RASGRP3: variants seen among roughly 807,000 people sequenced by gnomAD.
The protein encoded by RASGRP3 is RAS guanyl releasing protein 3.
Under a neutral mutation model 82.7 loss-of-function variants are expected in RASGRP3, and 54 were observed. That is an observed-to-expected ratio of 0.65 (90% CI 0.52 to 0.82). The LOEUF (loss-of-function observed/expected upper bound fraction) is 0.82, where lower values mean the gene tolerates loss of function less well. Among genes scored for constraint, RASGRP3 ranks in the 40% least tolerant of loss-of-function variants. The pLI is 0.00. For missense variants in RASGRP3, 861 were observed against 828.9 expected (o/e 1.04, Z -0.48); for synonymous variants, 309 against 300.5 (o/e 1.03, Z -0.29).
intron 17 of RASGRP3, 82 bp downstream of exon 17, chr2:33,559,112 G>T: frequency 2.5e-6 from 3 of 1,195,462 alleles, no homozygotes; most frequent in Non-Finnish European, 3.4e-6. Flanking sequence ...GGGTCTGGGG[G>T]GCAGCCTGGT....
intron 2 of RASGRP3, among the ~76,000 whole-genome samples, chr2:33,461,497 T>C (rs1666363516): frequency 6.6e-6 from 1 of 152,202 alleles, no homozygotes. Flanking sequence ...AGGCTGGTCT[T>C]GAACTCCCAA....
chr2:33,457,316 T>C (rs1223553803), intron 2 of RASGRP3, among the ~76,000 whole-genome samples: 1 of 152,180 alleles, frequency 6.6e-6, no homozygotes, highest in Admixed American at 6.5e-5. Context: ...TGGAACCCTC[T>C]TTTTTTCTTC....
At chr2:33,480,323 G>T (rs916479741) in intron 1 of RASGRP3, among the ~76,000 whole-genome samples, 1 of 152,154 alleles carries the variant, frequency 6.6e-6, no homozygotes, top group Non-Finnish European at 1.5e-5. Flanking sequence ...GATTACAGGC[G>T]TGAGCCACTG....
At chr2:33,478,149 C>T (rs1378799095) in intron 1 of RASGRP3, among the ~76,000 whole-genome samples, 2 of 152,288 alleles carry the variant, frequency 1.3e-5, no homozygotes, top group East Asian at 1.9e-4. Flanking sequence ...ACCGCACCAA[C>T]CAATGTTCTC....
At chr2:33,511,308 A>G (rs1372584893) in intron 1 of RASGRP3, among the ~76,000 whole-genome samples, 1 of 152,210 alleles carries the variant, frequency 6.6e-6, no homozygotes, top group Non-Finnish European at 1.5e-5. Context: ...TGTTGAGACA[A>G]TCAGTAGTGA....
intron 4 of RASGRP3, among the ~76,000 whole-genome samples, chr2:33,519,335 G>A (rs916319848): frequency 2.0e-5 from 3 of 152,070 alleles, no homozygotes; most frequent in Admixed American, 6.6e-5. Context: ...AGTGTTTCTC[G>A]GCCAGGCGCG....
chr2:33,448,281 A>G (rs192723977), intron 2 of RASGRP3, among the ~76,000 whole-genome samples: 1 of 152,292 alleles, frequency 6.6e-6, no homozygotes, highest in African/African-American at 2.4e-5. Context: ...TTCTTCTCTC[A>G]ACAACCTAAT....
intron 1 of RASGRP3, among the ~76,000 whole-genome samples, chr2:33,447,015 G>A (rs562595250): frequency 4.0e-5 from 6 of 151,588 alleles, no homozygotes; most frequent in African/African-American, 1.2e-4. Flanking sequence ...TTGGTGGCGG[G>A]TGCCTGTAGT....
At chr2:33,527,854 C>T (rs1308097959) in intron 10 of RASGRP3, among the ~76,000 whole-genome samples, 1 of 152,206 alleles carries the variant, frequency 6.6e-6, no homozygotes, top group African/African-American at 2.4e-5. Flanking sequence ...ATGAACCTCC[C>T]AAACCTCCAG....
At chr2:33,437,559 C>T (rs1398078697) in intron 1 of RASGRP3, among the ~76,000 whole-genome samples, 1 of 152,082 alleles carries the variant, frequency 6.6e-6, no homozygotes, top group Non-Finnish European at 1.5e-5. Flanking sequence ...ATTTCTTTTG[C>T]CCTATCCCTG....
In RASGRP3 at chr2:33,558,243, G is replaced by A. The variant is rs1676233828; in HGVS notation, c.1612G>A (p.Asp538Asn). 6.2e-7 allele frequency: 1 copy of A among 1,612,348 alleles called. No individual in the cohort carries two copies. Reference sequence around the variant, plus strand: ...AGCCAATTGTCACAAACAGTGCAAAGACCTCCTGGTTCTGGCCTGCAGGAG... The same window carrying A: ...AGCCAATTGTCACAAACAGTGCAAAAACCTCCTGGTTCTGGCCTGCAGGAG... The part of the protein sequence containing the change: ...CGANCHKQCK[D>N]LLVLACRRFA... Residue 538 changes from aspartate to asparagine, a missense_variant, in exon 16 of 18, where the codon GAC becomes AAC. Coordinates refer to ENST00000403687, the MANE Select transcript of RASGRP3 (RefSeq NM_001139488.2).
At chr2:33,460,077 A>G (rs532662001) in intron 2 of RASGRP3, among the ~76,000 whole-genome samples, 3 of 152,364 alleles carry the variant, frequency 2.0e-5, no homozygotes, top group South Asian at 2.1e-4. Flanking sequence ...ATTAGCAACT[A>G]AAGATACATG....
chr2:33,444,806 T>A (rs941520533), intron 1 of RASGRP3, among the ~76,000 whole-genome samples: 2 of 152,242 alleles, frequency 1.3e-5, no homozygotes, highest in Non-Finnish European at 2.9e-5. Context: ...GTTTTTTTAA[T>A]AAACATTATC....
chr2:33,533,327 C>A (rs941676977), intron 10 of RASGRP3: 10 of 152,192 alleles, frequency 6.6e-5, no homozygotes, highest in African/African-American at 2.4e-4. Flanking sequence ...AGTCCCAATC[C>A]TCCTGGTTAA....
At chr2:33,532,455 A>G (rs974594361) in intron 10 of RASGRP3, 15 of 152,214 alleles carry the variant, frequency 9.9e-5, no homozygotes, top group African/African-American at 3.1e-4. Context: ...TAAATAAATT[A>G]CATCTGCAAA....
At chr2:33,525,041 A>G (rs903423330) in intron 9 of RASGRP3, among the ~76,000 whole-genome samples, 1 of 148,058 alleles carries the variant, frequency 6.8e-6, no homozygotes, top group African/African-American at 2.5e-5. Context: ...AGATCACCCC[A>G]CTGCACTCCA....
chr2:33,471,334 C>T (rs1478113297), intron 2 of RASGRP3, among the ~76,000 whole-genome samples: 1 of 142,712 alleles, frequency 7.0e-6, no homozygotes, highest in Non-Finnish European at 1.5e-5. Context: ...TGCCATCACA[C>T]TGGGCTATTT....
intron 17 of RASGRP3, among the ~76,000 whole-genome samples, chr2:33,561,090 G>A (rs192210127): frequency 3.3e-5 from 5 of 149,444 alleles, no homozygotes; most frequent in Admixed American, 6.6e-5. Context: ...TCTTTGAGAC[G>A]GAGTCTCACT....
intron 1 of RASGRP3, among the ~76,000 whole-genome samples, chr2:33,504,409 G>C (rs999601838): frequency 2.6e-5 from 4 of 152,150 alleles, no homozygotes; most frequent in African/African-American, 9.7e-5. Context: ...ATTGTATGCT[G>C]TTGAGAATGG....
Sources: allele counts gnomAD v4.1 joint callset (sites outside exome capture counted in the v4.1 genomes callset), GRCh38; gene constraint gnomAD v4.1.1; transcripts MANE v1.5; gene names NCBI Gene and HGNC (gene_info 2026-07-23, HGNC 2026-07-21).